The following CLVS1 variants were observed in gnomAD, a reference collection of about 807,000 sequenced individuals.
CLVS1 encodes clavesin 1, also known as clavesin-1.
In CLVS1, 10 loss-of-function variants were observed where a neutral mutation model predicts 33.1. The ratio of observed to expected loss-of-function variants is 0.30; its 90% CI spans 0.19 to 0.51. CLVS1 has a LOEUF of 0.51. Among genes scored for constraint, CLVS1 ranks in the 20% least tolerant of loss-of-function variants. The pLI is 0.97. For missense variants in CLVS1, 343 were observed against 433.4 expected (o/e 0.79, Z 1.85); for synonymous variants, 163 against 166.1 (o/e 0.98, Z 0.14).
intron 3 of CLVS1, among the ~76,000 whole-genome samples, chr8:61,453,370 C>T (rs1440198217): frequency 6.6e-6 from 1 of 151,982 alleles, no homozygotes; most frequent in Non-Finnish European, 1.5e-5. Flanking sequence ...GATCTGGATT[C>T]TAATGCCCTG....
At chr8:61,037,597 T>G in the CLVS1 span, among the ~76,000 whole-genome samples, 1 of 152,218 alleles carries the variant, frequency 6.6e-6, no homozygotes, top group Non-Finnish European at 1.5e-5. Context: ...TGAATGTGGG[T>G]CTACGTAAGC....
intron 1 of CLVS1, among the ~76,000 whole-genome samples, chr8:61,108,631 C>T (rs1466408876): frequency 6.6e-6 from 1 of 152,068 alleles, no homozygotes; most frequent in African/African-American, 2.4e-5. Flanking sequence ...CTCTTAAGAC[C>T]CAACCACGCT....
chr8:61,319,507 C>T (rs982482817), intron 2 of CLVS1, among the ~76,000 whole-genome samples: 3 of 151,982 alleles, frequency 2.0e-5, no homozygotes, highest in African/African-American at 7.3e-5. Flanking sequence ...GTGGGGAGAC[C>T]AGTTTTAGTT....
At chr8:61,107,856 A>T (rs1805564900) in intron 1 of CLVS1, among the ~76,000 whole-genome samples, 1 of 152,240 alleles carries the variant, frequency 6.6e-6, no homozygotes, top group Non-Finnish European at 1.5e-5. Context: ...TGAAATTGTG[A>T]ACCAACATAT....
chr8:61,226,121 C>T (rs1001932074), intron 2 of CLVS1, among the ~76,000 whole-genome samples: 2 of 152,214 alleles, frequency 1.3e-5, no homozygotes, highest in African/African-American at 2.4e-5. Flanking sequence ...TACCACCTAA[C>T]TTTGACTACA....
the CLVS1 span, among the ~76,000 whole-genome samples, chr8:60,970,192 C>T: frequency 2.0e-5 from 3 of 152,140 alleles, no homozygotes; most frequent in African/African-American, 7.2e-5. Flanking sequence ...ATGCACTTTT[C>T]AACTCTGATT....
intron 1 of CLVS1, among the ~76,000 whole-genome samples, chr8:61,128,459 C>A (rs139946763): frequency 6.6e-6 from 1 of 152,118 alleles, no homozygotes; most frequent in Admixed American, 6.5e-5. Flanking sequence ...GTGTAGGGTT[C>A]CTTTCTTTAC....
chr8:61,015,461 T>C, the CLVS1 span, among the ~76,000 whole-genome samples: 1 of 152,250 alleles, frequency 6.6e-6, no homozygotes, highest in African/African-American at 2.4e-5. Context: ...AGCTGCTCAA[T>C]GTGACTTGCA....
intron 2 of CLVS1, among the ~76,000 whole-genome samples, chr8:61,326,514 A>C (rs1292603432): frequency 6.6e-6 from 1 of 152,170 alleles, no homozygotes; most frequent in Non-Finnish European, 1.5e-5. Context: ...GAACTCACAG[A>C]TTCCTGGTAC....
chr8:61,357,494 C>T (rs200761711), intron 2 of CLVS1, among the ~76,000 whole-genome samples: 804 of 25,574 alleles, frequency 0.031, 35 homozygotes, highest in East Asian at 0.28. Context: ...TTTTTCTTTT[C>T]TTTTTTTTTT....
the CLVS1 span, among the ~76,000 whole-genome samples, chr8:60,972,244 T>A: frequency 1.3e-5 from 2 of 152,140 alleles, no homozygotes; most frequent in African/African-American, 4.8e-5. Context: ...GCAAAAATCA[T>A]AACAGTGAAA....
At chr8:61,356,528 T>C (rs1184451033) in intron 2 of CLVS1, among the ~76,000 whole-genome samples, 2 of 151,576 alleles carry the variant, frequency 1.3e-5, no homozygotes, top group Non-Finnish European at 2.9e-5. Context: ...GGTTTTCTTC[T>C]AGGGTTTTTA....
chr8:61,214,508 A>G (rs1808044007), intron 2 of CLVS1, among the ~76,000 whole-genome samples: 1 of 152,200 alleles, frequency 6.6e-6, no homozygotes, highest in South Asian at 2.1e-4. Flanking sequence ...ATAGACATAG[A>G]TATGCACACA....
At chr8:61,311,434 C>T (rs1810829765) in intron 2 of CLVS1, among the ~76,000 whole-genome samples, 1 of 152,150 alleles carries the variant, frequency 6.6e-6, no homozygotes, top group Non-Finnish European at 1.5e-5. Flanking sequence ...CGATTGCACT[C>T]AGGACCTTAC....
At chr8:61,188,476 A>C (rs1208342774) in intron 2 of CLVS1, among the ~76,000 whole-genome samples, 1 of 143,502 alleles carries the variant, frequency 7.0e-6, no homozygotes, top group Non-Finnish European at 1.5e-5. Context: ...TTATTAACTA[A>C]AATGATCAAA....
Position 61,198,514 on chromosome 8 carries a change from G to A in CLVS1, c.-152+66654G>A, listed in dbSNP as rs139177660. Among the ~76,000 whole-genome samples the A allele has an allele frequency of 5.9e-3, 905 of 152,222 alleles. 10 individuals are homozygous for A. Among genetic ancestry groups the A allele is most frequent in the African/African-American group, 0.02 (848 of 41,542 alleles). On this transcript the variant is annotated intron_variant, in intron 2 of 2. Transcript: ENST00000522621. ...CCTGCGTCAGCCTTCCAAGTAGCTG[G>A]GACTATAGGTGTGCACCACCATGCC...
At chr8:60,987,162 T>A in the CLVS1 span, among the ~76,000 whole-genome samples, 2 of 152,190 alleles carry the variant, frequency 1.3e-5, no homozygotes, top group African/African-American at 4.8e-5. Flanking sequence ...GATAGGGAGA[T>A]GCCCAGGGTA....
chr8:61,133,127 G>T (rs867041230), intron 2 of CLVS1, among the ~76,000 whole-genome samples: 3 of 152,220 alleles, frequency 2.0e-5, no homozygotes, highest in Admixed American at 6.5e-5. Flanking sequence ...CAGATGCTCT[G>T]CCTGGTGGGG....
At chr8:61,023,272 T>G in the CLVS1 span, among the ~76,000 whole-genome samples, 1 of 152,210 alleles carries the variant, frequency 6.6e-6, no homozygotes, top group African/African-American at 2.4e-5. Context: ...GAGGGGACAT[T>G]TTGTAGCTGG....
Sources: allele counts gnomAD v4.1 joint callset (sites outside exome capture counted in the v4.1 genomes callset), GRCh38; gene constraint gnomAD v4.1.1; transcripts MANE v1.5; gene names NCBI Gene and HGNC (gene_info 2026-07-23, HGNC 2026-07-21).